Variants in TMEFF2 observed in about 807,000 individuals in gnomAD.
The protein encoded by TMEFF2 is transmembrane protein with EGF like and two follistatin like domains 2, also known as tomoregulin-2.
Under a neutral mutation model 53.8 loss-of-function variants are expected in TMEFF2, and 28 were observed. The ratio of observed to expected loss-of-function variants is 0.52; its 90% CI spans 0.39 to 0.71. The LOEUF is 0.71. TMEFF2 is among the 30% of genes least tolerant of loss of function. TMEFF2 has a pLI of 0.00. For missense variants in TMEFF2, 353 were observed against 455.2 expected (o/e 0.78, Z 2.04); for synonymous variants, 162 against 166.3 (o/e 0.97, Z 0.20).
At chr2:192,079,614 T>C (rs1688507662) in intron 4 of TMEFF2, among the ~76,000 whole-genome samples, 1 of 152,188 alleles carries the variant, frequency 6.6e-6, no homozygotes, top group African/African-American at 2.4e-5. Flanking sequence ...GTTAGAGTAT[T>C]AGACTCTAAT....
intron 4 of TMEFF2, among the ~76,000 whole-genome samples, chr2:192,101,429 G>A (rs1689029471): frequency 6.6e-6 from 1 of 152,118 alleles, no homozygotes; most frequent in South Asian, 2.1e-4. Context: ...TTTTTCTGCA[G>A]TTTATAATTT....
intron 4 of TMEFF2, among the ~76,000 whole-genome samples, chr2:192,147,144 A>G (rs1018836089): frequency 2.6e-5 from 4 of 152,004 alleles, no homozygotes; most frequent in Admixed American, 2.0e-4. Flanking sequence ...ATGAGTAGTC[A>G]TAAGAAGAAA....
At chr2:191,995,333 G>A (rs887779872) in intron 7 of TMEFF2, among the ~76,000 whole-genome samples, 1 of 151,944 alleles carries the variant, frequency 6.6e-6, no homozygotes, top group African/African-American at 2.4e-5. Flanking sequence ...GGATAAATAA[G>A]GGTTTTTAAT....
At chr2:192,157,252 T>C (rs1690526842) in intron 4 of TMEFF2, among the ~76,000 whole-genome samples, 1 of 152,172 alleles carries the variant, frequency 6.6e-6, no homozygotes, top group East Asian at 1.9e-4. Context: ...ACTATTAACT[T>C]TGTTGCCAAA....
intron 5 of TMEFF2, among the ~76,000 whole-genome samples, chr2:192,033,091 G>A (rs916412979): frequency 6.6e-6 from 1 of 152,148 alleles, no homozygotes; most frequent in Non-Finnish European, 1.5e-5. Context: ...GCCCCCAGTA[G>A]AATAAGTGCT....
intron 4 of TMEFF2, among the ~76,000 whole-genome samples, chr2:192,075,326 T>TATATATATATATATATATATAC (rs1688404437): frequency 2.1e-5 from 1 of 48,664 alleles, no homozygotes; most frequent in African/African-American, 4.8e-5. Flanking sequence ...TATATATATA[T>TATATATATATATATATATATAC]ATATATACAT....
intron 5 of TMEFF2, among the ~76,000 whole-genome samples, chr2:192,008,497 C>T (rs1339837003): frequency 1.3e-5 from 2 of 152,182 alleles, no homozygotes; most frequent in Non-Finnish European, 2.9e-5. Context: ...CAAAATTCCT[C>T]ATTAGCATCA....
chr2:192,194,135 C>A lies in TMEFF2; in HGVS notation c.172+218G>T, dbSNP rs1691542961. On this transcript the variant is annotated intron_variant, in intron 1 of 9. Coordinates refer to ENST00000272771, the MANE Select transcript of TMEFF2 (RefSeq NM_016192.4). The surrounding 1 kb of genome is among the most constrained non-coding windows in gnomAD (Gnocchi z 4.2). ...GTAAGCGCAAGCATGCAAAGGTTTC[C>A]TGCTACACCTGCACTTTCTGCCCAT... Among the ~76,000 whole-genome samples, 1 of 152,150 alleles carries A rather than the reference C, an allele frequency of 6.6e-6. No individual in the cohort carries two copies. The highest frequency in any genetic ancestry group is 6.5e-5 in the Admixed American group (1 of 15,276).
Position 192,194,249 on chromosome 2 carries a change from G to C in TMEFF2, c.172+104C>G, listed in dbSNP as rs889153318. On this transcript the variant is annotated intron_variant, in intron 1 of 9. Coordinates refer to ENST00000272771, the MANE Select transcript of TMEFF2 (RefSeq NM_016192.4). This position sits in a 1 kb window ranked among gnomAD's most constrained non-coding sequence, Gnocchi z 4.2. ...GTGGTATTAGGGGTCTAGGGCAGTA[G>C]GAGGTGAGGGGCTGAGGAGGCGCGC... is the stretch of plus-strand genomic sequence containing the variant. 23 of 1,355,496 alleles carry C rather than the reference G, an allele frequency of 1.7e-5. No individual in the cohort carries two copies. The African/African-American group carries it at 3.0e-4, about 18-fold the overall frequency. 84.0% of individuals were successfully genotyped at this position (1,355,496 alleles called of 1,614,324 possible). A position where few individuals can be genotyped will look rare whatever the true frequency, so the allele number is the denominator to read the frequency against.
chr2:192,156,339 A>T (rs889288159), intron 4 of TMEFF2, among the ~76,000 whole-genome samples: 8 of 152,010 alleles, frequency 5.3e-5, no homozygotes, highest in African/African-American at 1.9e-4. Context: ...TCCTCAAAAC[A>T]ACTCTATGAG....
intron 8 of TMEFF2, among the ~76,000 whole-genome samples, chr2:191,955,657 T>G (rs1363366258): frequency 6.6e-6 from 1 of 150,806 alleles, no homozygotes; most frequent in African/African-American, 2.4e-5. Flanking sequence ...GGCCAGTATT[T>G]ATATTTATAA....
intron 7 of TMEFF2, among the ~76,000 whole-genome samples, chr2:191,975,132 T>TA (rs1191973660): frequency 1.3e-5 from 2 of 150,962 alleles, no homozygotes; most frequent in African/African-American, 2.4e-5. Flanking sequence ...GGATGCTAAT[T>TA]AAAAAAATAT....
intron 7 of TMEFF2, among the ~76,000 whole-genome samples, chr2:191,993,217 A>G (rs757304263): frequency 6.6e-6 from 1 of 152,070 alleles, no homozygotes; most frequent in Non-Finnish European, 1.5e-5. Context: ...TCCAGATGTC[A>G]GCTTCCTTTA....
chr2:192,043,492 A>G (rs900426342), intron 5 of TMEFF2, among the ~76,000 whole-genome samples: 2 of 152,230 alleles, frequency 1.3e-5, no homozygotes, highest in Admixed American at 1.3e-4. Flanking sequence ...ACTAATGGAC[A>G]CTAGCTCTGA....
intron 4 of TMEFF2, among the ~76,000 whole-genome samples, chr2:192,113,130 T>G (rs1461657278): frequency 6.6e-6 from 1 of 151,986 alleles, no homozygotes; most frequent in Non-Finnish European, 1.5e-5. Context: ...GTAGAGGCAC[T>G]TAAAATTAAT....
rs1686292772 is a variant in TMEFF2, at chr2:191,999,073, C to T, written c.672G>A (p.Leu224=). The part of the protein sequence containing the change: ...QKQEKIEVMS[L]GRCQDNTTTT... ...TATGAACATTACCTTGACATCGACC[C>T]AAAGACATGACTTCAATTTTCTCCT... Residue 224 remains leucine (L), a synonymous_variant, in exon 6 of 10, where the codon TTG becomes TTA. Transcript: ENST00000272771. 6.2e-7 allele frequency: 1 copy of T among 1,609,628 alleles called. No homozygotes were observed. Among genetic ancestry groups the T allele is most frequent in the Non-Finnish European group, 8.5e-7 (1 of 1,177,132 alleles).
At chr2:192,048,737 G>A (rs1196215436) in intron 5 of TMEFF2, among the ~76,000 whole-genome samples, 1 of 152,006 alleles carries the variant, frequency 6.6e-6, no homozygotes, top group Non-Finnish European at 1.5e-5. Context: ...TATTCTTACA[G>A]CAGAAATAGA....
At chr2:192,009,143 G>A (rs747546010) in intron 5 of TMEFF2, among the ~76,000 whole-genome samples, 8 of 152,240 alleles carry the variant, frequency 5.3e-5, no homozygotes, top group South Asian at 2.1e-4. Context: ...CTGGTGATAT[G>A]GCACATCTCC....
chr2:191,978,111 C>T (rs572682483), intron 7 of TMEFF2, among the ~76,000 whole-genome samples: 6 of 152,168 alleles, frequency 3.9e-5, no homozygotes, highest in South Asian at 2.1e-4. Flanking sequence ...TCTTTTGATA[C>T]GATATTTTTA....
Sources: gnomAD v4.1 joint callset for allele counts (sites outside exome capture counted in the v4.1 genomes callset) on GRCh38, gnomAD v4.1.1 for gene constraint, Gnocchi (gnomAD v3.1) non-coding constraint, MANE v1.5 for transcripts, NCBI Gene and HGNC (gene_info 2026-07-23, HGNC 2026-07-21) for gene names.